CALN1: variants seen among roughly 807,000 people sequenced by gnomAD.
The protein encoded by CALN1 is calneuron 1.
A neutral mutation model predicts 30.6 loss-of-function variants in CALN1; 17 were observed. That is an observed-to-expected ratio of 0.56 (90% CI 0.38 to 0.83). The LOEUF (loss-of-function observed/expected upper bound fraction) is 0.83, where lower values mean the gene tolerates loss of function less well. Among genes scored for constraint, CALN1 ranks in the 40% least tolerant of loss-of-function variants. CALN1 has a pLI of 0.00. For missense variants in CALN1, 291 were observed against 354.9 expected (o/e 0.82, Z 1.45); for synonymous variants, 156 against 131.4 (o/e 1.19, Z -1.28).
intron 3 of CALN1, among the ~76,000 whole-genome samples, chr7:72,216,992 C>A (rs1218103940): frequency 6.6e-6 from 1 of 152,156 alleles, no homozygotes; most frequent in Non-Finnish European, 1.5e-5. Flanking sequence ...GATCCTCTCA[C>A]CTCCCAAAGT....
chr7:71,893,354 A>G (rs1331551078), intron 5 of CALN1, among the ~76,000 whole-genome samples: 4 of 152,152 alleles, frequency 2.6e-5, no homozygotes, highest in Admixed American at 2.6e-4. Context: ...TGAGGTGGAG[A>G]AACCCTATTT....
chr7:71,927,671 T>C (rs1294880783), intron 5 of CALN1, among the ~76,000 whole-genome samples: 4 of 152,226 alleles, frequency 2.6e-5, no homozygotes, highest in Non-Finnish European at 5.9e-5. Flanking sequence ...CAGTGATAGA[T>C]TGCTACTGTT....
Position 72,110,260 on chromosome 7 carries a change from C to T in CALN1, c.245-3966G>A, listed in dbSNP as rs115826841. On this transcript the variant is annotated intron_variant, in intron 3 of 6. Transcript: ENST00000395275. ...GGCCCTAGCTGGGGGTGTTTGAGAACATGGCCTGGAAATGAGGACCCGGAC... is the reference window on the plus strand; with the variant it reads ...GGCCCTAGCTGGGGGTGTTTGAGAATATGGCCTGGAAATGAGGACCCGGAC... 5.7e-3 allele frequency among the ~76,000 whole-genome samples: 875 copies of T among 152,298 alleles called. 10 individuals are homozygous for T. Among genetic ancestry groups the T allele is most frequent in the African/African-American group, 0.02 (815 of 41,560 alleles).
At chr7:71,907,885 A>G (rs1458532363) in intron 5 of CALN1, among the ~76,000 whole-genome samples, 2 of 152,230 alleles carry the variant, frequency 1.3e-5, no homozygotes, top group African/African-American at 4.8e-5. Context: ...CAAAGGTGTT[A>G]GATTTGATGA....
the CALN1 span, among the ~76,000 whole-genome samples, chr7:72,485,609 C>T: frequency 2.3e-4 from 35 of 152,196 alleles, no homozygotes; most frequent in African/African-American, 5.1e-4. Context: ...TGGTGGCTCA[C>T]GCCTGTAATC....
At position 72,197,178 on chromosome 7, in the gene CALN1, C is replaced by CTTTTTTTT. The variant is rs386410439; in HGVS notation, c.244+81500_244+81507dup. Among the ~76,000 whole-genome samples the CTTTTTTTT allele has an allele frequency of 4.5e-4, 29 of 64,216 alleles. 2 individuals are homozygous for CTTTTTTTT. Among genetic ancestry groups the CTTTTTTTT allele is most frequent in the East Asian group, 3.3e-3 (6 of 1,804 alleles). The allele number at this position is 64,216 out of a possible 152,430, so 42.1% of individuals were successfully genotyped here. ...TTTTCATTGTCAAATGGAAGGTTTG[C>CTTTTTTTT]TTTTTTTTTTTTTTTTTTTTTTTTG... On this transcript the variant is annotated intron_variant, in intron 3 of 6. Coordinates refer to ENST00000395275, the MANE Select transcript of CALN1 (RefSeq NM_031468.4).
intron 1 of CALN1, among the ~76,000 whole-genome samples, chr7:72,423,219 T>C (rs1000618931): frequency 6.6e-6 from 1 of 152,250 alleles, no homozygotes; most frequent in African/African-American, 2.4e-5. Flanking sequence ...ACTTGTACTA[T>C]TGTATTTTTC....
chr7:72,260,719 C>A (rs915785069), intron 3 of CALN1, among the ~76,000 whole-genome samples: 3 of 152,032 alleles, frequency 2.0e-5, no homozygotes, highest in African/African-American at 7.2e-5. Flanking sequence ...GAGGAGCCCC[C>A]CACACAGATG....
chr7:72,396,584 G>C (rs1011046141), intron 2 of CALN1, among the ~76,000 whole-genome samples: 2 of 152,188 alleles, frequency 1.3e-5, no homozygotes, highest in African/African-American at 4.8e-5. Flanking sequence ...CTGAGCACAT[G>C]TGGCAAGTGG....
Position 72,398,949 on chromosome 7 carries a change from A to G in CALN1, c.119+4302T>C, listed in dbSNP as rs138803746. Among the ~76,000 whole-genome samples the G allele has an allele frequency of 7.9e-5, 12 of 152,362 alleles. No individual in the cohort carries two copies. The East Asian group carries it at 2.3e-3, about 29-fold the overall frequency. ...GAGGTACCCACTGCTTCCTCCTGCT[A>G]GAGTGTCCTTTCAGACCTCCATGCC... On this transcript the variant is annotated intron_variant, in intron 2 of 6. Coordinates refer to ENST00000395275, the MANE Select transcript of CALN1 (RefSeq NM_031468.4).
chr7:71,958,122 G>A (rs1192908876), intron 5 of CALN1, among the ~76,000 whole-genome samples: 2 of 148,586 alleles, frequency 1.3e-5, no homozygotes, highest in Non-Finnish European at 3.0e-5. Context: ...AAAAAAGAAA[G>A]TGCAGTAATT....
At chr7:72,064,666 A>G (rs1345625830) in intron 4 of CALN1, among the ~76,000 whole-genome samples, 1 of 152,204 alleles carries the variant, frequency 6.6e-6, no homozygotes, top group African/African-American at 2.4e-5. Context: ...CATCTCTTTC[A>G]TGATCCATGA....
chr7:71,875,343 G>C (rs2116768929), intron 5 of CALN1, among the ~76,000 whole-genome samples: 1 of 152,226 alleles, frequency 6.6e-6, no homozygotes, highest in African/African-American at 2.4e-5. Context: ...CAGATACCAG[G>C]GATCAGTTTA....
intron 5 of CALN1, among the ~76,000 whole-genome samples, chr7:71,893,550 G>A (rs932541920): frequency 2.6e-5 from 4 of 152,052 alleles, no homozygotes; most frequent in Admixed American, 6.6e-5. Context: ...AATTAGCTGG[G>A]TGTGGTGGCG....
intron 2 of CALN1, among the ~76,000 whole-genome samples, chr7:72,304,413 AG>A (rs1366476950): frequency 6.6e-6 from 1 of 152,100 alleles, no homozygotes; most frequent in Non-Finnish European, 1.5e-5. Context: ...GGGGCCAGGA[AG>A]GGGGGATTGC....
chr7:72,177,354 G>A (rs1165386317), intron 3 of CALN1, among the ~76,000 whole-genome samples: 2 of 152,156 alleles, frequency 1.3e-5, no homozygotes, highest in East Asian at 1.9e-4. Context: ...TCTTAAGCAG[G>A]CCTGGCCAGA....
intron 3 of CALN1, among the ~76,000 whole-genome samples, chr7:72,182,669 G>A (rs372758071): frequency 1.1e-4 from 17 of 151,222 alleles, no homozygotes; most frequent in African/African-American, 3.4e-4. Flanking sequence ...GCAGTGAGCC[G>A]AGATCGTGCC....
At chr7:72,243,025 A>T (rs1339159260) in intron 3 of CALN1, among the ~76,000 whole-genome samples, 2 of 152,250 alleles carry the variant, frequency 1.3e-5, no homozygotes, top group Admixed American at 6.5e-5. Flanking sequence ...TCACTCAATG[A>T]TCTGAACCTA....
chr7:72,134,485 A>T (rs1463274736), intron 3 of CALN1, among the ~76,000 whole-genome samples: 2 of 152,236 alleles, frequency 1.3e-5, no homozygotes, highest in East Asian at 3.8e-4. Flanking sequence ...AGCAAGTCAC[A>T]CCAATTTCTT....
Sources: gnomAD v4.1 joint callset for allele counts (sites outside exome capture counted in the v4.1 genomes callset) on GRCh38, gnomAD v4.1.1 for gene constraint, MANE v1.5 for transcripts, NCBI Gene and HGNC (gene_info 2026-07-23, HGNC 2026-07-21) for gene names.